DPYD: variants seen among roughly 807,000 people sequenced by gnomAD.
DPYD encodes the protein dihydropyrimidine dehydrogenase [NADP(+)].
A neutral mutation model predicts 116.2 loss-of-function variants in DPYD; 109 were observed. The observed-to-expected ratio is 0.94, with a 90% CI of 0.80 to 1.10. The LOEUF is 1.10. Among genes scored for constraint, DPYD ranks in the 50% least tolerant of loss-of-function variants. The pLI, the probability that DPYD is intolerant of heterozygous loss-of-function variation, is 0.00. For missense variants in DPYD, 1,302 were observed against 1,254.5 expected (o/e 1.04, Z -0.57); for synonymous variants, 440 against 432.0 (o/e 1.02, Z -0.23).
chr1:97,713,083 C>T (rs1389904762), intron 5 of DPYD, among the ~76,000 whole-genome samples: 7 of 151,898 alleles, frequency 4.6e-5, no homozygotes, highest in Non-Finnish European at 7.4e-5. Context: ...TTAAATTTTA[C>T]TTATCATCAT....
chr1:97,750,203 T>C (rs1207543889), intron 3 of DPYD, among the ~76,000 whole-genome samples: 1 of 152,090 alleles, frequency 6.6e-6, no homozygotes, highest in Non-Finnish European at 1.5e-5. Flanking sequence ...TTGTGGGCAA[T>C]TTCAGAAATA....
At chr1:97,448,707 T>C (rs1472702951) in intron 14 of DPYD, among the ~76,000 whole-genome samples, 1 of 151,652 alleles carries the variant, frequency 6.6e-6, no homozygotes, top group Non-Finnish European at 1.5e-5. Context: ...ATAATTCTCA[T>C]ATAGAGTTAA....
intron 14 of DPYD, among the ~76,000 whole-genome samples, chr1:97,400,618 A>G (rs1673314786): frequency 6.6e-6 from 1 of 152,110 alleles, no homozygotes; most frequent in Non-Finnish European, 1.5e-5. Flanking sequence ...TTATTGCCTC[A>G]ATTTCAGAGC....
intron 5 of DPYD, among the ~76,000 whole-genome samples, chr1:97,702,261 A>C (rs1291733450): frequency 6.6e-6 from 1 of 151,344 alleles, no homozygotes; most frequent in Non-Finnish European, 1.5e-5. Flanking sequence ...AATATAGTTA[A>C]AATATATTTT....
intron 6 of DPYD, among the ~76,000 whole-genome samples, chr1:97,693,403 G>T (rs1661135470): frequency 6.6e-6 from 1 of 151,004 alleles, no homozygotes; most frequent in South Asian, 2.1e-4. Context: ...AATACAAGAT[G>T]ATGTTTAAGA....
chr1:97,558,570 T>A (rs1319785416), intron 11 of DPYD, among the ~76,000 whole-genome samples: 2 of 152,184 alleles, frequency 1.3e-5, no homozygotes, highest in Non-Finnish European at 2.9e-5. Flanking sequence ...TATGGTTAGA[T>A]AATTTTCAGT....
At chr1:97,633,705 G>A (rs1657404353) in intron 8 of DPYD, among the ~76,000 whole-genome samples, 1 of 152,192 alleles carries the variant, frequency 6.6e-6, no homozygotes, top group South Asian at 2.1e-4. Context: ...ACATGGATAG[G>A]AATTCACAGA....
intron 3 of DPYD, among the ~76,000 whole-genome samples, chr1:97,759,124 T>C (rs1665430749): frequency 6.6e-6 from 1 of 152,192 alleles, no homozygotes; most frequent in Non-Finnish European, 1.5e-5. Context: ...TCTGTGGGAC[T>C]AAATTTTTTG....
At chr1:97,448,514 T>C (rs567330297) in intron 14 of DPYD, among the ~76,000 whole-genome samples, 2 of 152,278 alleles carry the variant, frequency 1.3e-5, no homozygotes, top group African/African-American at 4.8e-5. Flanking sequence ...GTGCTCATAA[T>C]ATATTATAAC....
intron 16 of DPYD, among the ~76,000 whole-genome samples, chr1:97,343,779 G>C (rs970130007): frequency 6.6e-6 from 1 of 151,872 alleles, no homozygotes; most frequent in Admixed American, 6.6e-5. Flanking sequence ...AGGTATGAAA[G>C]AACAAAGTCC....
intron 8 of DPYD, among the ~76,000 whole-genome samples, chr1:97,603,048 T>C (rs1199636817): frequency 6.6e-6 from 1 of 152,012 alleles, no homozygotes; most frequent in East Asian, 1.9e-4. Flanking sequence ...TTTCCCTCCC[T>C]TCTATTTTCT....
chr1:97,841,711 A>G (rs926578275), intron 2 of DPYD, among the ~76,000 whole-genome samples: 1 of 150,188 alleles, frequency 6.7e-6, no homozygotes, highest in Non-Finnish European at 1.5e-5. Context: ...GTAGCAGGGG[A>G]AAAAAAAAAT....
chr1:97,521,051 A>G (rs532458555), intron 12 of DPYD, among the ~76,000 whole-genome samples: 10 of 152,298 alleles, frequency 6.6e-5, no homozygotes, highest in South Asian at 2.1e-4. Context: ...GAATCACCAC[A>G]CTGTCTTCCA....
intron 2 of DPYD, among the ~76,000 whole-genome samples, chr1:97,871,456 T>C (rs1671652677): frequency 5.9e-5 from 9 of 151,788 alleles, no homozygotes; most frequent in Admixed American, 5.9e-4. Flanking sequence ...TTAGTAGCCC[T>C]GCAGGAGCTC....
At chr1:97,633,914 A>G (rs937978822) in intron 8 of DPYD, among the ~76,000 whole-genome samples, 2 of 152,072 alleles carry the variant, frequency 1.3e-5, no homozygotes, top group African/African-American at 4.8e-5. Flanking sequence ...CAGTGATAAG[A>G]GTTGTTCTTC....
intron 19 of DPYD, among the ~76,000 whole-genome samples, chr1:97,233,437 G>A: frequency 1.3e-5 from 2 of 152,120 alleles, no homozygotes; most frequent in East Asian, 3.9e-4. Context: ...ATGGGGGTGA[G>A]GGCTCATTTT....
intron 4 of DPYD, among the ~76,000 whole-genome samples, chr1:97,738,633 C>A (rs1186803179): frequency 6.6e-6 from 1 of 151,380 alleles, no homozygotes; most frequent in Non-Finnish European, 1.5e-5. Context: ...CTTTAAAGAA[C>A]AACAGTCTTT....
chr1:97,543,462 A>C (rs1650599708), intron 12 of DPYD, among the ~76,000 whole-genome samples: 1 of 152,180 alleles, frequency 6.6e-6, no homozygotes, highest in Non-Finnish European at 1.5e-5. Flanking sequence ...GAAAATGCAT[A>C]TTACAAAGAA....
At chr1:97,323,832 T>C (rs1251616080) in intron 16 of DPYD, among the ~76,000 whole-genome samples, 1 of 151,524 alleles carries the variant, frequency 6.6e-6, no homozygotes, top group Non-Finnish European at 1.5e-5. Flanking sequence ...CTTCCCTTCC[T>C]ATTTGCAGGA....
Sources: gnomAD v4.1 joint callset for allele counts (sites outside exome capture counted in the v4.1 genomes callset) on GRCh38, gnomAD v4.1.1 for gene constraint, MANE v1.5 for transcripts, NCBI Gene and HGNC (gene_info 2026-07-23, HGNC 2026-07-21) for gene names.